RYR2: variants seen among roughly 807,000 people sequenced by gnomAD.
RYR2 encodes the protein cardiac muscle ryanodine receptor-calcium release channel.
Under a neutral mutation model 601.1 loss-of-function variants are expected in RYR2, and 227 were observed. The observed-to-expected ratio is 0.38, with a 90% CI of 0.34 to 0.42. RYR2 has a LOEUF of 0.42. RYR2 is among the 10% of genes least tolerant of loss of function. RYR2 has a pLI of 1.00. For missense variants in RYR2, 4,646 were observed against 6,156.5 expected, an observed-to-expected ratio of 0.75 and a Z score of 8.21; for synonymous variants, 2,223 against 2,175.1, an observed-to-expected ratio of 1.02 and a Z score of -0.61.
intron 10 of RYR2, among the ~76,000 whole-genome samples, chr1:237,404,418 T>C (rs1703675535): frequency 6.6e-6 from 1 of 152,216 alleles, no homozygotes; most frequent in Non-Finnish European, 1.5e-5. Context: ...TTGTAATCTG[T>C]AATCACTGCA....
rs1410199588 is a variant in RYR2 at position 237,528,191 on chromosome 1, GA to G, written c.2823-2231del. ...GAATATTCTCAACTTAATAAGGGAAGAAAAATACTGTATACTGAAGTTGCTA... is the reference window on the plus strand; with the variant it reads ...GAATATTCTCAACTTAATAAGGGAAGAAAATACTGTATACTGAAGTTGCTA... On this transcript the variant is annotated intron_variant, in intron 24 of 104. Transcript: ENST00000366574. Among the ~76,000 whole-genome samples, 4 of 152,298 alleles carry G rather than the reference GA, an allele frequency of 2.6e-5. No individual in the cohort carries two copies. In the East Asian group the frequency reaches 7.7e-4, roughly 29 times the overall value.
At chr1:237,634,185 C>G (rs1216628381) in intron 43 of RYR2, among the ~76,000 whole-genome samples, 2 of 152,072 alleles carry the variant, frequency 1.3e-5, no homozygotes, top group African/African-American at 4.8e-5. Context: ...GCATTATTCA[C>G]AATAGCTGAG....
intron 56 of RYR2, among the ~76,000 whole-genome samples, chr1:237,665,370 G>A (rs1379028481): frequency 7.0e-6 from 1 of 143,060 alleles, no homozygotes; most frequent in Non-Finnish European, 1.5e-5. Flanking sequence ...CTGCACTCCA[G>A]CCTGGTGACA....
At chr1:237,239,855 C>A (rs1284489784) in intron 1 of RYR2, among the ~76,000 whole-genome samples, 1 of 152,288 alleles carries the variant, frequency 6.6e-6, no homozygotes, top group East Asian at 1.9e-4. Flanking sequence ...AAGAGCACAT[C>A]TCACTTTTTC....
At position 237,332,187 on chromosome 1, in the gene RYR2, G is replaced by A. The variant is rs569023996; in HGVS notation, c.273+1205G>A. On this transcript the variant is annotated intron_variant, in intron 3 of 104. Transcript: ENST00000366574. ...ATATATAAATGATTATCCATAGAAA[G>A]GAGTGATCAGTTATAACGTTATTTT... 5.3e-5 allele frequency among the ~76,000 whole-genome samples: 8 copies of A among 152,170 alleles called. No individual in the cohort carries two copies. In the South Asian group the frequency reaches 6.2e-4, roughly 12 times the overall value.
At chr1:237,745,273 T>C (rs1261693619) in intron 80 of RYR2, among the ~76,000 whole-genome samples, 1 of 152,204 alleles carries the variant, frequency 6.6e-6, no homozygotes, top group Non-Finnish European at 1.5e-5. Context: ...TAATATATTA[T>C]GGGCTTAAAT....
chr1:237,428,469 C>T (rs1320932665), intron 12 of RYR2, among the ~76,000 whole-genome samples: 1 of 151,970 alleles, frequency 6.6e-6, no homozygotes, highest in Non-Finnish European at 1.5e-5. Flanking sequence ...AAGCTGGAAA[C>T]CATCATCCTC....
chr1:237,655,120 T>G (rs904032755), intron 52 of RYR2, among the ~76,000 whole-genome samples: 2 of 152,340 alleles, frequency 1.3e-5, no homozygotes, highest in African/African-American at 4.8e-5. Context: ...AACACTTTAA[T>G]GCTTTTTCTT....
chr1:237,828,512 A>G, intron 102 of RYR2, 67 bp downstream of exon 102: 1 of 996,016 alleles, frequency 1.0e-6, no homozygotes, highest in Non-Finnish European at 1.5e-6. Context: ...CACTACCTTT[A>G]TCAATAGAAT....
At chr1:237,644,209 T>TA (rs1681881286) in intron 48 of RYR2, among the ~76,000 whole-genome samples, 1 of 152,246 alleles carries the variant, frequency 6.6e-6, no homozygotes, top group South Asian at 2.1e-4. Flanking sequence ...CCCTCTCTGT[T>TA]AAAAAGAGTG....
intron 3 of RYR2, among the ~76,000 whole-genome samples, chr1:237,350,602 A>AAAAAATAT (rs1558665984): frequency 1.9e-4 from 7 of 36,998 alleles, no homozygotes; most frequent in Non-Finnish European, 2.5e-4. Flanking sequence ...AAAAAAAAAA[A>AAAAAATAT]ATATATATAT....
chr1:237,451,520 G>T (rs1464159124), intron 14 of RYR2, among the ~76,000 whole-genome samples: 2 of 149,074 alleles, frequency 1.3e-5, no homozygotes, highest in African/African-American at 5.0e-5. Flanking sequence ...GGCAGAGGTT[G>T]CAGTGAGCCA....
chr1:237,584,612 G>C (rs1452441983), intron 29 of RYR2, among the ~76,000 whole-genome samples: 2 of 145,848 alleles, frequency 1.4e-5, no homozygotes, highest in Non-Finnish European at 3.0e-5. Context: ...TTAGAAAAGG[G>C]ATTGCCAAAC....
chr1:237,095,854 G>A (rs971233799), intron 1 of RYR2, among the ~76,000 whole-genome samples: 13 of 152,234 alleles, frequency 8.5e-5, no homozygotes, highest in African/African-American at 3.1e-4. Flanking sequence ...AGAGATGGAT[G>A]TCATCAGAAT....
chr1:237,223,348 T>C (rs993310839), intron 1 of RYR2, among the ~76,000 whole-genome samples: 1 of 152,228 alleles, frequency 6.6e-6, no homozygotes, highest in Non-Finnish European at 1.5e-5. Context: ...ATTCCATTCA[T>C]GAGGGAAGAA....
intron 27 of RYR2, among the ~76,000 whole-genome samples, chr1:237,552,642 A>AT (rs985943472): frequency 6.6e-6 from 1 of 151,940 alleles, no homozygotes; most frequent in African/African-American, 2.4e-5. Flanking sequence ...TATCACGTGT[A>AT]TTTTTTATAT....
chr1:237,747,125 CTG>C (rs1464157841), intron 80 of RYR2, among the ~76,000 whole-genome samples: 1 of 152,152 alleles, frequency 6.6e-6, no homozygotes, highest in East Asian at 1.9e-4. Flanking sequence ...TTGTTGTTGA[CTG>C]TGAAATCTAA....
At chr1:237,443,070 C>A (rs1400329647) in intron 13 of RYR2, among the ~76,000 whole-genome samples, 1 of 152,098 alleles carries the variant, frequency 6.6e-6, no homozygotes, top group East Asian at 1.9e-4. Context: ...GCTGTCTTTC[C>A]TCACAGTGTT....
rs540013719 is a variant in RYR2, at chr1:237,832,199, T to C, written c.14809-353T>C. Among the ~76,000 whole-genome samples the C allele has an allele frequency of 1.2e-4, 18 of 146,002 alleles. No individual in the cohort carries two copies. The East Asian group carries it at 3.5e-3, about 28-fold the overall frequency. On this transcript the variant is annotated intron_variant, in intron 104 of 104. Transcript: ENST00000366574. ...AACTACAGGCATGCACCACCACACC[T>C]GGCTTTTTTTTGTGTTTTTTTTTTT...
Sources: allele counts gnomAD v4.1 joint callset (sites outside exome capture counted in the v4.1 genomes callset), GRCh38; gene constraint gnomAD v4.1.1; transcripts MANE v1.5; gene names NCBI Gene and HGNC (gene_info 2026-07-23, HGNC 2026-07-21).